Variants in FRYL observed in about 807,000 individuals in gnomAD.
FRYL encodes the protein protein furry homolog-like.
Under a neutral mutation model 351.2 loss-of-function variants are expected in FRYL, and 150 were observed. That is an observed-to-expected ratio of 0.43 (90% CI 0.37 to 0.49). FRYL has a LOEUF of 0.49. Among genes scored for constraint, FRYL ranks in the 20% least tolerant of loss-of-function variants. The pLI is 0.00. For synonymous variants in FRYL, 1,153 were observed against 1,257.1 expected, an observed-to-expected ratio of 0.92 and a Z score of 1.75; for missense variants, 3,036 against 3,619.3, an observed-to-expected ratio of 0.84 and a Z score of 4.13.
At chr4:48,658,932 G>A (rs1350643472) in intron 3 of FRYL, among the ~76,000 whole-genome samples, 1 of 151,894 alleles carries the variant, frequency 6.6e-6, no homozygotes, top group Non-Finnish European at 1.5e-5. Context: ...AATGCTAACA[G>A]TAACTACCTA....
chr4:48,701,994 TTC>T (rs139613231), intron 2 of FRYL, among the ~76,000 whole-genome samples: 3,976 of 152,292 alleles, frequency 0.026, 67 homozygotes, highest in Admixed American at 0.046. Context: ...AGTAACATTC[TTC>T]TGTTTCTAAA....
intron 3 of FRYL, among the ~76,000 whole-genome samples, chr4:48,649,206 G>A (rs1463758406): frequency 6.6e-6 from 1 of 152,012 alleles, no homozygotes; most frequent in Non-Finnish European, 1.5e-5. Context: ...AATGTATAAT[G>A]TGCTTTTTGG....
intron 23 of FRYL, 108 bp from the exon 24 acceptor site, chr4:48,576,330 G>A (rs1324463992): frequency 4.9e-6 from 4 of 809,292 alleles, no homozygotes; most frequent in Non-Finnish European, 7.2e-6. Flanking sequence ...GAGACAGAGT[G>A]TCACTCTGTC....
chr4:48,581,002 G>T (rs745894398), intron 21 of FRYL, 51 bp from the exon 22 acceptor site: 5 of 1,191,354 alleles, frequency 4.2e-6, no homozygotes, highest in Non-Finnish European at 1.2e-6. Context: ...TTTAAGCAAA[G>T]TAGCCAAACC....
At chr4:48,569,328 C>T (rs576504693) in intron 27 of FRYL, among the ~76,000 whole-genome samples, 9 of 152,044 alleles carry the variant, frequency 5.9e-5, no homozygotes, top group South Asian at 2.1e-4. Context: ...TCTTTTGAGG[C>T]GGAGTTTCAC....
At chr4:48,670,155 C>G (rs541585843) in intron 3 of FRYL, among the ~76,000 whole-genome samples, 2 of 152,024 alleles carry the variant, frequency 1.3e-5, no homozygotes, top group African/African-American at 4.8e-5. Context: ...TTACTATAGG[C>G]TGGTGCAGTG....
chr4:48,702,831 T>C (rs1766918243), intron 2 of FRYL, among the ~76,000 whole-genome samples: 1 of 150,944 alleles, frequency 6.6e-6, no homozygotes, highest in Non-Finnish European at 1.5e-5. Flanking sequence ...AATAAATACA[T>C]GAATATTTCT....
chr4:48,582,448 C>A lies in FRYL; in HGVS notation c.1986+49G>T. On this transcript the variant is annotated intron_variant, in intron 20 of 63. Transcript: ENST00000358350. ...AATCTGTATTAAAACCATTATTGGTCATTTAGCACTGACCACATACAAAAG... is the reference window on the plus strand; with the variant it reads ...AATCTGTATTAAAACCATTATTGGTAATTTAGCACTGACCACATACAAAAG... The A allele has an allele frequency of 2.6e-6, 3 of 1,137,176 alleles. No individual in the cohort carries two copies. In the South Asian group the frequency reaches 3.8e-5, roughly 14 times the overall value. The allele number at this position is 1,137,176 out of a possible 1,614,324, so 70.4% of individuals were successfully genotyped here.
chr4:48,527,403 T>C, intron 53 of FRYL, 74 bp downstream of exon 53: 2 of 1,265,876 alleles, frequency 1.6e-6, no homozygotes, highest in Non-Finnish European at 2.2e-6. Flanking sequence ...CAATAAGGAA[T>C]GATCCTGTGA....
chr4:48,536,672 A>G (rs552452631), intron 47 of FRYL, among the ~76,000 whole-genome samples: 1 of 152,328 alleles, frequency 6.6e-6, no homozygotes, highest in South Asian at 2.1e-4. Flanking sequence ...CCAATCTGTC[A>G]TAAAAGGCTA....
At chr4:48,734,647 T>G (rs1391622539) in intron 1 of FRYL, among the ~76,000 whole-genome samples, 1 of 152,238 alleles carries the variant, frequency 6.6e-6, no homozygotes, top group Non-Finnish European at 1.5e-5. Context: ...GAACACATTC[T>G]GGGCCATAAA....
rs1420275410 is a variant in FRYL at position 48,510,050 on chromosome 4, G to C, written c.8394+9C>G. On this transcript the variant is annotated intron_variant, in intron 59 of 63. Transcript: ENST00000358350. ...AACCACTTTTCGCACATGGTAAAAA[G>C]AGACTGACCTGCTCAGCGGCTTCTC... 1 of 1,601,278 alleles carries C rather than the reference G, an allele frequency of 6.2e-7. No individual in the cohort carries two copies. Among genetic ancestry groups the C allele is most frequent in the Non-Finnish European group, 8.6e-7 (1 of 1,168,716 alleles).
intron 7 of FRYL, among the ~76,000 whole-genome samples, chr4:48,613,381 G>A (rs180896816): frequency 8.1e-4 from 123 of 152,224 alleles, no homozygotes; most frequent in Non-Finnish European, 7.6e-4. Context: ...GTACCAACTA[G>A]GAGTGCTGGA....
At chr4:48,707,229 T>C (rs1767464196) in intron 2 of FRYL, among the ~76,000 whole-genome samples, 1 of 152,216 alleles carries the variant, frequency 6.6e-6, no homozygotes, top group African/African-American at 2.4e-5. Context: ...TTTTATAATA[T>C]GAATGTGCAG....
At chr4:48,749,399 A>C (rs1204212805) in intron 1 of FRYL, among the ~76,000 whole-genome samples, 1 of 152,210 alleles carries the variant, frequency 6.6e-6, no homozygotes, top group African/African-American at 2.4e-5. Context: ...ACTAGGCAAC[A>C]CTGCTTATGG....
intron 4 of FRYL, among the ~76,000 whole-genome samples, chr4:48,631,890 C>T (rs1263728534): frequency 6.7e-6 from 1 of 149,120 alleles, no homozygotes; most frequent in Non-Finnish European, 1.5e-5. Flanking sequence ...CTCATCTCTA[C>T]AAAAACACAA....
chr4:48,716,216 C>T lies in FRYL; in HGVS notation c.-383-5518G>A, dbSNP rs568829920. On this transcript the variant is annotated intron_variant, in intron 1 of 63. Transcript: ENST00000358350. ...TTACCATTCAGGACATAGGCATGGG[C>T]AAGGACTTCATGCCTAAAACACCAA... 5.9e-5 allele frequency among the ~76,000 whole-genome samples: 9 copies of T among 151,672 alleles called. No individual in the cohort carries two copies. The East Asian group carries it at 1.7e-3, about 29-fold the overall frequency.
chr4:48,550,356 C>G, intron 38 of FRYL: 1 of 460,096 alleles, frequency 2.2e-6, no homozygotes. Context: ...TCCTGAGAAC[C>G]AGTTCTTATG....
At chr4:48,548,629 T>C (rs574112240) in intron 40 of FRYL, 61 bp downstream of exon 40, 10 of 929,628 alleles carry the variant, frequency 1.1e-5, no homozygotes, top group Non-Finnish European at 1.4e-5. Flanking sequence ...CATAAAACCA[T>C]ACTGCTTTTA....
Sources: gnomAD v4.1 joint callset for allele counts (sites outside exome capture counted in the v4.1 genomes callset) on GRCh38, gnomAD v4.1.1 for gene constraint, MANE v1.5 for transcripts, NCBI Gene and HGNC (gene_info 2026-07-23, HGNC 2026-07-21) for gene names.